Variants in PGCKA1 observed in about 807,000 individuals in gnomAD.
The protein encoded by PGCKA1 is PDCD10 and GCKIII kinases associated 1.
the PGCKA1 span, among the ~76,000 whole-genome samples, chr4:37,583,827 T>G: frequency 1.3e-5 from 2 of 152,224 alleles, no homozygotes; most frequent in Non-Finnish European, 2.9e-5. Flanking sequence ...GGATTTTCCC[T>G]TTGTTGCCTG....
the PGCKA1 span, among the ~76,000 whole-genome samples, chr4:37,503,324 G>C: frequency 6.6e-6 from 1 of 152,170 alleles, no homozygotes; most frequent in Non-Finnish European, 1.5e-5. Context: ...TGGCTTCAGT[G>C]TCTTCCTTCC....
At chr4:37,456,625 A>G in the PGCKA1 span, among the ~76,000 whole-genome samples, 1 of 152,366 alleles carries the variant, frequency 6.6e-6, no homozygotes, top group South Asian at 2.1e-4. Flanking sequence ...AAAATTTAAT[A>G]AAACCCTGAC....
At chr4:37,558,814 C>G in the PGCKA1 span, among the ~76,000 whole-genome samples, 6 of 118,976 alleles carry the variant, frequency 5.0e-5, no homozygotes, top group African/African-American at 1.8e-4. Flanking sequence ...CAAAAGAAGA[C>G]ATTTATGCAG....
At chr4:37,471,033 A>G in the PGCKA1 span, among the ~76,000 whole-genome samples, 1 of 152,208 alleles carries the variant, frequency 6.6e-6, no homozygotes, top group Non-Finnish European at 1.5e-5. Context: ...TTAATTTGCA[A>G]ATAAAATTAT....
the PGCKA1 span, among the ~76,000 whole-genome samples, chr4:37,581,076 AG>A: frequency 6.9e-4 from 105 of 152,284 alleles, no homozygotes; most frequent in African/African-American, 2.4e-3. This position sits in a 1 kb window ranked among gnomAD's most constrained non-coding sequence, Gnocchi z 4.4. Context: ...TTAAGGCCCA[AG>A]GGCTCCTCAG....
At chr4:37,593,431 T>C in the PGCKA1 span, among the ~76,000 whole-genome samples, 3 of 152,200 alleles carry the variant, frequency 2.0e-5, no homozygotes, top group African/African-American at 7.2e-5. Context: ...GATCACTTTG[T>C]AGTCCATAAT....
At chr4:37,495,786 C>G in the PGCKA1 span, among the ~76,000 whole-genome samples, 1 of 151,950 alleles carries the variant, frequency 6.6e-6, no homozygotes, top group East Asian at 1.9e-4. Flanking sequence ...AGCAAACCAC[C>G]ATGGCAAGTG....
At chr4:37,477,821 A>G in the PGCKA1 span, among the ~76,000 whole-genome samples, 1 of 152,288 alleles carries the variant, frequency 6.6e-6, no homozygotes, top group African/African-American at 2.4e-5. Flanking sequence ...GTTTTTTTCT[A>G]ATTCTAAAAT....
At chr4:37,532,509 T>C in the PGCKA1 span, among the ~76,000 whole-genome samples, 2 of 145,546 alleles carry the variant, frequency 1.4e-5, no homozygotes, top group Admixed American at 6.8e-5. Context: ...ATGGAATTTA[T>C]TATTTTTAAA....
the PGCKA1 span, among the ~76,000 whole-genome samples, chr4:37,523,441 C>T: frequency 1.3e-5 from 2 of 151,722 alleles, no homozygotes; most frequent in Non-Finnish European, 2.9e-5. Flanking sequence ...AAGTTAAAAC[C>T]AGGTACTATG....
At chr4:37,543,707 G>A in the PGCKA1 span, among the ~76,000 whole-genome samples, 53,061 of 151,036 alleles carry the variant, frequency 0.35, 9,532 homozygotes, top group South Asian at 0.46. Context: ...GGTGGCGGGC[G>A]CCTGTAGTCC....
the PGCKA1 span, among the ~76,000 whole-genome samples, chr4:37,552,485 T>C: frequency 6.6e-6 from 1 of 152,200 alleles, no homozygotes; most frequent in Admixed American, 6.5e-5. Flanking sequence ...ATCATTGTCA[T>C]TTTATGCATA....
At chr4:37,586,086 C>T in the PGCKA1 span, among the ~76,000 whole-genome samples, 2 of 151,716 alleles carry the variant, frequency 1.3e-5, no homozygotes, top group African/African-American at 4.8e-5. Context: ...GTGGTTAAGA[C>T]ACCCCTGGTC....
chr4:37,540,170 T>C, the PGCKA1 span, among the ~76,000 whole-genome samples: 1 of 152,226 alleles, frequency 6.6e-6, no homozygotes, highest in African/African-American at 2.4e-5. Context: ...TTTCCTCTCT[T>C]TTTCCAAGTT....
the PGCKA1 span, among the ~76,000 whole-genome samples, chr4:37,493,917 A>G: frequency 2.0e-5 from 3 of 152,148 alleles, no homozygotes; most frequent in African/African-American, 7.2e-5. Flanking sequence ...TCATTCTTTT[A>G]TGGCTGAATA....
the PGCKA1 span, among the ~76,000 whole-genome samples, chr4:37,465,100 C>G: frequency 6.6e-6 from 1 of 152,014 alleles, no homozygotes; most frequent in Non-Finnish European, 1.5e-5. Flanking sequence ...AAGAGAGGGC[C>G]GTGGCCTCAC....
At chr4:37,456,125 T>C in the PGCKA1 span, among the ~76,000 whole-genome samples, 1 of 152,232 alleles carries the variant, frequency 6.6e-6, no homozygotes, top group Non-Finnish European at 1.5e-5. Flanking sequence ...AGAGACTTTG[T>C]AGGTGTGTAG....
At chr4:37,502,405 G>T in the PGCKA1 span, among the ~76,000 whole-genome samples, 2 of 152,204 alleles carry the variant, frequency 1.3e-5, no homozygotes, top group South Asian at 4.1e-4. Context: ...CGTGGGTAGG[G>T]TGCTGGTGGA....
At chr4:37,499,515 C>A in the PGCKA1 span, among the ~76,000 whole-genome samples, 1 of 152,064 alleles carries the variant, frequency 6.6e-6, no homozygotes, top group African/African-American at 2.4e-5. Flanking sequence ...GATTCAATTT[C>A]TTCCTGGTTC....
Sources: allele counts gnomAD v4.1 joint callset (sites outside exome capture counted in the v4.1 genomes callset), GRCh38; gene constraint gnomAD v4.1.1; non-coding constraint Gnocchi (gnomAD v3.1); transcripts MANE v1.5; gene names NCBI Gene and HGNC (gene_info 2026-07-23, HGNC 2026-07-21).